Variants in IRS1 observed in about 807,000 individuals in gnomAD.
IRS1 encodes insulin receptor substrate 1.
A neutral mutation model predicts 65.6 loss-of-function variants in IRS1; 34 were observed. The ratio of observed to expected loss-of-function variants is 0.52; its 90% CI spans 0.39 to 0.69. The LOEUF (loss-of-function observed/expected upper bound fraction) is 0.69. Ranked by LOEUF, IRS1 falls within the 30% of genes least tolerant of loss-of-function variation. IRS1 has a pLI of 0.00. For synonymous variants in IRS1, 699 were observed against 683.5 expected, an observed-to-expected ratio of 1.02 and a Z score of -0.35; for missense variants, 1,641 against 1,720.2, an observed-to-expected ratio of 0.95 and a Z score of 0.81.
chr2:226,795,504 G>A lies in IRS1; in HGVS notation c.3235C>T (p.Pro1079Ser), dbSNP rs148962208. 217 of 1,613,448 alleles carry A rather than the reference G, an allele frequency of 1.3e-4. No homozygotes were observed. The East Asian group carries it at 4.6e-3, about 34-fold the overall frequency. Reference protein sequence around the residue: ...MSAFTRVNLSPNRNQSAKVIR... With the variant: ...MSAFTRVNLSSNRNQSAKVIR... ...ACTTTGGCACTCTGGTTGCGGTTAG[G>A]ACTGAGGTTCACCCGGGTGAAGGCG... The change falls in exon 1 of 2, where the codon CCT becomes TCT. Residue 1079 changes from proline to serine, a missense_variant. By Grantham distance (74) the Pro-to-Ser change is moderately conservative. Around this residue, in one of 3 missense-constraint regions of IRS1, gnomAD observed 1,324 missense variants for 1,361.0 expected, o/e 0.97. Transcript: ENST00000305123.
At chr2:226,786,981 C>A in intron 1 of IRS1, among the ~76,000 whole-genome samples, 1 of 151,714 alleles carries the variant, frequency 6.6e-6, no homozygotes, top group South Asian at 2.1e-4. Context: ...ACCACCCACC[C>A]AAAGGAAAAA....
At chr2:226,761,061 T>C (rs1384531516) in intron 1 of IRS1, among the ~76,000 whole-genome samples, 2 of 152,174 alleles carry the variant, frequency 1.3e-5, no homozygotes, top group Non-Finnish European at 1.5e-5. Flanking sequence ...TGCTGATGTT[T>C]TCCATGCTGC....
chr2:226,785,307 T>TA (rs1423113866), intron 1 of IRS1, among the ~76,000 whole-genome samples: 2 of 152,230 alleles, frequency 1.3e-5, no homozygotes, highest in East Asian at 1.9e-4. Context: ...TTTAAAAACT[T>TA]AAGACACTTT....
intron 1 of IRS1, among the ~76,000 whole-genome samples, chr2:226,769,307 T>C (rs1309480934): frequency 6.6e-6 from 1 of 152,180 alleles, no homozygotes; most frequent in Non-Finnish European, 1.5e-5. Context: ...CTGCCAAAGA[T>C]GGTCACTGGC....
chr2:226,781,141 G>A (rs888540922), intron 1 of IRS1, among the ~76,000 whole-genome samples: 1 of 152,148 alleles, frequency 6.6e-6, no homozygotes, highest in African/African-American at 2.4e-5. Context: ...GAGAGGCAGG[G>A]TGGTTGATAC....
Position 226,796,709 on chromosome 2 carries a change from C to A in IRS1, c.2030G>T (p.Gly677Val). Reference protein sequence around the residue: ...PSGGCSPDIGGGPSSSSSSSN... With the variant: ...PSGGCSPDIGVGPSSSSSSSN... ...GCTGCTGCTGCTGCTGCTGGGGCCA[C>A]CTCCAATGTCAGGAGAGCAGCCACC... The change falls in exon 1 of 2, where the codon GGT becomes GTT. Residue 677 changes from glycine (G) to valine (V), a missense_variant. Coordinates refer to ENST00000305123, the MANE Select transcript of IRS1 (RefSeq NM_005544.3). The A allele has an allele frequency of 6.2e-7, 1 of 1,613,708 alleles. No individual in the cohort carries two copies. The highest frequency in any genetic ancestry group is 8.5e-7 in the Non-Finnish European group (1 of 1,179,760).
intron 1 of IRS1, among the ~76,000 whole-genome samples, chr2:226,775,038 T>C (rs1033569890): frequency 3.9e-5 from 6 of 152,154 alleles, no homozygotes; most frequent in Non-Finnish European, 8.8e-5. Flanking sequence ...TAAGCATTTG[T>C]CAAAACCCAG....
chr2:226,785,550 C>A (rs1027717409), intron 1 of IRS1, among the ~76,000 whole-genome samples: 2 of 152,166 alleles, frequency 1.3e-5, no homozygotes, highest in African/African-American at 4.8e-5. Context: ...TTGCAGTGAG[C>A]CAAGATTGTG....
At position 226,733,484 on chromosome 2, in the gene IRS1, A is replaced by G. The variant is rs1938267903; in HGVS notation, c.*2788T>C. On this transcript the variant is annotated 3_prime_UTR_variant, in exon 2 of 2. Transcript: ENST00000305123. ...CCATTCTTTTGCCCAGAATGAAGAT[A>G]TCATCAAAGTCATAAAACATATTTG... 6.6e-6 allele frequency: 1 copy of G among 152,242 alleles called. No homozygotes were observed. The highest frequency in any genetic ancestry group is 2.1e-4 in the South Asian group (1 of 4,836). The allele number at this position is 152,242 out of a possible 1,614,324, so 9.4% of individuals were successfully genotyped here.
Position 226,797,518 on chromosome 2 carries a change from G to A in IRS1, c.1221C>T (p.Leu407=). The change falls in exon 1 of 2, where the codon CTC becomes CTT. Residue 407 remains leucine, a synonymous_variant. Transcript: ENST00000305123. This position sits in a 1 kb window ranked among gnomAD's most constrained non-coding sequence, Gnocchi z 8.1. ...CCGAAGCACTAGATCGCCGTGGGAA[G>A]AGACAATCCGAGGTGGAGCCATGGC... ...TSGHGSTSDC[L]FPRRSSASVS... 1.2e-6 allele frequency: 2 copies of A among 1,612,184 alleles called. No homozygotes were observed. The highest frequency in any genetic ancestry group is 1.7e-6 in the Non-Finnish European group (2 of 1,179,564).
chr2:226,799,093 G>A lies in IRS1; in HGVS notation c.-355C>T, dbSNP rs968811477. 9.9e-6 allele frequency: 12 copies of A among 1,212,794 alleles called. No homozygotes were observed. In the African/African-American group the frequency reaches 1.9e-4, roughly 19 times the overall value. 75.1% of individuals were successfully genotyped at this position (1,212,794 alleles called of 1,614,324 possible). On this transcript the variant is annotated 5_prime_UTR_variant, in exon 1 of 2. Transcript: ENST00000305123. This position sits in a 1 kb window ranked among gnomAD's most constrained non-coding sequence, Gnocchi z 6.1. ...TCTCTCGTCGCCCCGGCTGGAGTCC[G>A]GCACAGGGAGGCGACAGTCGGGGGT...
Position 226,798,172 on chromosome 2 carries a change from G to C in IRS1, c.567C>G (p.Ser189Arg), listed in dbSNP as rs1939788605. 1 of 1,613,866 alleles carries C rather than the reference G, an allele frequency of 6.2e-7. No homozygotes were observed. The highest frequency in any genetic ancestry group is 8.5e-7 in the Non-Finnish European group (1 of 1,180,040). ...LIGIYRLCLTSKTISFVKLNS... is the reference protein window; with the variant it reads ...LIGIYRLCLTRKTISFVKLNS... ...TCAGCTTCACGAAGCTGATGGTCTT[G>C]CTGGTCAGGCAAAGGCGGTAGATAC... The change falls in exon 1 of 2, where the codon AGC (serine) becomes AGG (arginine). Residue 189 changes from serine to arginine, a missense_variant. This residue lies in a region of IRS1 where 77 missense variants were observed against 129.6 expected (regional missense o/e 0.59). Coordinates refer to ENST00000305123, the MANE Select transcript of IRS1 (RefSeq NM_005544.3). The surrounding 1 kb of genome is among the most constrained non-coding windows in gnomAD (Gnocchi z 9.4).
chr2:226,764,193 T>C (rs1194367239), intron 1 of IRS1, among the ~76,000 whole-genome samples: 1 of 151,926 alleles, frequency 6.6e-6, no homozygotes, highest in African/African-American at 2.4e-5. Flanking sequence ...ATGGTGTATG[T>C]TCCTTTAGAA....
At position 226,771,082 on chromosome 2, in the gene IRS1, T is replaced by A. The variant is rs190092181; in HGVS notation, c.*21+23907A>T. On this transcript the variant is annotated intron_variant, in intron 1 of 1. Coordinates refer to ENST00000305123, the MANE Select transcript of IRS1 (RefSeq NM_005544.3). ...GAGAACTAGCTAGATCCTGTCACTGTCAGTGACGGAAGAACGTTGGTAGTG... is the reference window on the plus strand; with the variant it reads ...GAGAACTAGCTAGATCCTGTCACTGACAGTGACGGAAGAACGTTGGTAGTG... Among the ~76,000 whole-genome samples, 57 of 152,264 alleles carry A rather than the reference T, an allele frequency of 3.7e-4. 1 individual carries two copies. In the East Asian group the frequency reaches 7.5e-3, roughly 20 times the overall value.
chr2:226,766,643 G>A lies in IRS1; in HGVS notation c.*21+28346C>T, dbSNP rs1939054253. Among the ~76,000 whole-genome samples, 3 of 152,116 alleles carry A rather than the reference G, an allele frequency of 2.0e-5. No homozygotes were observed. In the South Asian group the frequency reaches 6.2e-4, roughly 32 times the overall value. ...ATGAAATGCTGCATCTTTCACAAAAGGTGTATTTCCACACTGAATAAAACT... is the reference window on the plus strand; with the variant it reads ...ATGAAATGCTGCATCTTTCACAAAAAGTGTATTTCCACACTGAATAAAACT... On this transcript the variant is annotated intron_variant, in intron 1 of 1. Coordinates refer to ENST00000305123, the MANE Select transcript of IRS1 (RefSeq NM_005544.3).
chr2:226,742,713 G>GA lies in IRS1; in HGVS notation c.*22-6464dup, dbSNP rs537549029. 9.9e-3 allele frequency among the ~76,000 whole-genome samples: 1,232 copies of GA among 124,474 alleles called. 17 individuals are homozygous for GA. Among genetic ancestry groups the GA allele is most frequent in the African/African-American group, 0.026 (931 of 35,898 alleles). 81.7% of individuals were successfully genotyped at this position (124,474 alleles called of 152,430 possible). On this transcript the variant is annotated intron_variant, in intron 1 of 1. Transcript: ENST00000305123. ...CAATGAAGAAAGGCACACGCATTAT[G>GA]AAAAAAAAAAAAAAGAAGACCGAAA...
chr2:226,761,233 G>A (rs528184657), intron 1 of IRS1, among the ~76,000 whole-genome samples: 2 of 152,302 alleles, frequency 1.3e-5, no homozygotes, highest in South Asian at 4.1e-4. Context: ...GGTTTTTAAC[G>A]AGAAGAGCAG....
chr2:226,744,812 C>T (rs1470645611), intron 1 of IRS1, among the ~76,000 whole-genome samples: 1 of 152,078 alleles, frequency 6.6e-6, no homozygotes, highest in African/African-American at 2.4e-5. Flanking sequence ...GGAACGTCTC[C>T]AGGAAGCCAT....
rs1345424111 is a variant in IRS1, at chr2:226,795,161, T to C, written c.3578A>G (p.Gln1193Arg). The C allele has an allele frequency of 6.2e-7, 1 of 1,613,866 alleles. No homozygotes were observed. The highest frequency in any genetic ancestry group is 1.1e-5 in the South Asian group (1 of 91,084). ...AGGCTGCGGTTCAGGGGTGCACTCC[T>C]GAGGGCACTGTTTGAAGTCCTTGAC... ...DLVKDFKQCP[Q>R]ECTPEPQPPP... The change falls in exon 1 of 2, where the codon CAG becomes CGG. Residue 1193 changes from glutamine (Q) to arginine (R), a missense_variant. Physicochemically the swap from Gln to Arg is conservative, Grantham distance 43. Around this residue, in one of 3 missense-constraint regions of IRS1, gnomAD observed 1,324 missense variants for 1,361.0 expected, o/e 0.97. Coordinates refer to ENST00000305123, the MANE Select transcript of IRS1 (RefSeq NM_005544.3).
Sources: gnomAD v4.1 joint callset for allele counts (sites outside exome capture counted in the v4.1 genomes callset) on GRCh38, gnomAD v4.1.1 for gene constraint, gnomAD v4.1.1 regional missense constraint, Gnocchi (gnomAD v3.1) non-coding constraint, MANE v1.5 for transcripts, NCBI Gene and HGNC (gene_info 2026-07-23, HGNC 2026-07-21) for gene names.